The following TRDN variants were observed in gnomAD, a reference collection of about 807,000 sequenced individuals.
TRDN encodes the protein triadin in skeletal muscle.
A neutral mutation model predicts 149.7 loss-of-function variants in TRDN; 161 were observed. The ratio of observed to expected loss-of-function variants is 1.08; its 90% CI spans 0.95 to 1.23. The LOEUF is 1.23. Among genes scored for constraint, TRDN ranks in the 50% most tolerant of loss-of-function variants. The pLI is 0.00. For synonymous variants in TRDN, 294 were observed against 250.5 expected (o/e 1.17, Z -1.64); for missense variants, 896 against 823.5 (o/e 1.09, Z -1.08).
chr6:123,505,491 C>A (rs1778884082), intron 7 of TRDN, among the ~76,000 whole-genome samples: 1 of 152,018 alleles, frequency 6.6e-6, no homozygotes, highest in Non-Finnish European at 1.5e-5. Context: ...CAGATATTTA[C>A]AGGAAGATGT....
intron 4 of TRDN, among the ~76,000 whole-genome samples, chr6:123,531,475 C>T (rs576746837): frequency 3.4e-4 from 51 of 152,122 alleles, no homozygotes; most frequent in Admixed American, 7.2e-4. Flanking sequence ...TTAAGATCAA[C>T]CATGGCAACA....
chr6:123,597,356 A>G (rs528217909), intron 1 of TRDN, among the ~76,000 whole-genome samples: 86 of 152,244 alleles, frequency 5.6e-4, no homozygotes, highest in African/African-American at 1.9e-3. Flanking sequence ...ATGAGCAAAG[A>G]AAGTGATTTC....
At chr6:123,454,125 T>A (rs543812882) in intron 10 of TRDN, among the ~76,000 whole-genome samples, 44 of 151,282 alleles carry the variant, frequency 2.9e-4, no homozygotes, top group African/African-American at 9.5e-4. Context: ...TTTGCGGACT[T>A]GGGGGAAGAG....
At chr6:123,484,594 C>A (rs1302950129) in intron 9 of TRDN, among the ~76,000 whole-genome samples, 2 of 152,044 alleles carry the variant, frequency 1.3e-5, no homozygotes, top group Admixed American at 1.3e-4. Context: ...TTAGAACATG[C>A]TTTTAATAGT....
intron 12 of TRDN, among the ~76,000 whole-genome samples, chr6:123,432,094 T>C (rs1437395179): frequency 6.6e-6 from 1 of 152,136 alleles, no homozygotes; most frequent in African/African-American, 2.4e-5. Flanking sequence ...ACTAGACAAA[T>C]CTTACCTGAC....
At chr6:123,332,720 G>T (rs183212097) in intron 22 of TRDN, among the ~76,000 whole-genome samples, 70 of 152,152 alleles carry the variant, frequency 4.6e-4, no homozygotes, top group African/African-American at 1.3e-3. Flanking sequence ...ATAAGGGAAA[G>T]AAAGAGATCT....
chr6:123,394,883 A>G (rs1178890997), intron 12 of TRDN, among the ~76,000 whole-genome samples: 3 of 152,224 alleles, frequency 2.0e-5, no homozygotes, highest in Middle Eastern at 3.4e-3. Context: ...GGAAAACTGC[A>G]TGCATGCTAG....
intron 24 of TRDN, among the ~76,000 whole-genome samples, chr6:123,311,991 T>C (rs912187425): frequency 6.6e-6 from 1 of 151,918 alleles, no homozygotes; most frequent in Non-Finnish European, 1.5e-5. Flanking sequence ...TAGAAGATAA[T>C]TTAATGAAGA....
chr6:123,504,981 C>T (rs1478568386), intron 7 of TRDN, among the ~76,000 whole-genome samples: 1 of 152,088 alleles, frequency 6.6e-6, no homozygotes, highest in African/African-American at 2.4e-5. Flanking sequence ...CATGGCGGCT[C>T]ATGCCTGTAA....
In TRDN at chr6:123,218,690, C is replaced by T. The variant is rs1470747672; in HGVS notation, c.2101G>A (p.Gly701Arg). 1.2e-6 allele frequency: 2 copies of T among 1,601,400 alleles called. No individual in the cohort carries two copies. The highest frequency in any genetic ancestry group is 1.1e-5 in the South Asian group (1 of 89,610). Residue 701 changes from glycine to arginine, a missense_variant, in exon 41 of 41, where the codon GGA becomes AGA. By Grantham distance (125) the Gly-to-Arg change is moderately radical (BLOSUM62 -2). Transcript: ENST00000334268. ...GCAGGAGTGAAAGGAAACTGAAATC[C>T]ATAGCCATTGTACCCATCCAAGTAG... The part of the protein sequence containing the change: ...CVYLDGYNGY[G>R]FQFPFTPADR...
chr6:123,489,704 G>T (rs1292554367), intron 9 of TRDN: 1 of 151,598 alleles, frequency 6.6e-6, no homozygotes, highest in Non-Finnish European at 1.5e-5. Flanking sequence ...CTCATCAATC[G>T]TTCCTAACAA....
chr6:123,216,626 T>C lies in TRDN; in HGVS notation c.*1975A>G, dbSNP rs753394140. On this transcript the variant is annotated 3_prime_UTR_variant, in exon 41 of 41. Transcript: ENST00000334268. ...ACTTCAGAAATTTACTTTAATATCA[T>C]ATTTATATTAAAATATTTTATTTGT... 2 of 151,910 alleles carry C rather than the reference T, an allele frequency of 1.3e-5. No homozygotes were observed. Among genetic ancestry groups the C allele is most frequent in the African/African-American group, 4.8e-5 (2 of 41,420 alleles). 9.4% of individuals were successfully genotyped at this position (151,910 alleles called of 1,614,324 possible).
intron 24 of TRDN, among the ~76,000 whole-genome samples, chr6:123,298,376 C>A (rs1218234344): frequency 2.6e-5 from 4 of 151,848 alleles, no homozygotes; most frequent in Admixed American, 2.6e-4. Context: ...TTCAACATAC[C>A]ATGCCCATTT....
intron 18 of TRDN, among the ~76,000 whole-genome samples, chr6:123,376,279 A>T (rs1179833088): frequency 6.6e-6 from 1 of 152,170 alleles, no homozygotes; most frequent in African/African-American, 2.4e-5. Flanking sequence ...GCTTGAGGAA[A>T]TGCAACTCTG....
intron 12 of TRDN, among the ~76,000 whole-genome samples, chr6:123,416,856 C>A (rs1474861643): frequency 3.9e-5 from 6 of 152,118 alleles, no homozygotes; most frequent in Admixed American, 2.0e-4. Context: ...CATCTGCCAC[C>A]AAGCCTAGCT....
chr6:123,346,814 T>C (rs1316578978), intron 21 of TRDN, among the ~76,000 whole-genome samples: 2 of 151,918 alleles, frequency 1.3e-5, no homozygotes, highest in East Asian at 1.9e-4. Context: ...TGCAACCACA[T>C]AGACAGATTA....
At chr6:123,446,905 C>T (rs1775412121) in intron 10 of TRDN, among the ~76,000 whole-genome samples, 1 of 142,040 alleles carries the variant, frequency 7.0e-6, no homozygotes, top group African/African-American at 2.8e-5. Flanking sequence ...AACAAATATT[C>T]TTCTTCTATT....
At chr6:123,261,853 A>G (rs1053430408) in intron 33 of TRDN, among the ~76,000 whole-genome samples, 4 of 151,966 alleles carry the variant, frequency 2.6e-5, no homozygotes, top group African/African-American at 9.7e-5. Context: ...TACAAACTAT[A>G]CTAGAGAATA....
At chr6:123,282,711 G>T (rs1241611239) in intron 24 of TRDN, among the ~76,000 whole-genome samples, 1 of 147,730 alleles carries the variant, frequency 6.8e-6, no homozygotes, top group Non-Finnish European at 1.5e-5. Flanking sequence ...GCTTAATTAT[G>T]TCACAGAAAC....
Sources: allele counts gnomAD v4.1 joint callset (sites outside exome capture counted in the v4.1 genomes callset), GRCh38; gene constraint gnomAD v4.1.1; transcripts MANE v1.5; gene names NCBI Gene and HGNC (gene_info 2026-07-23, HGNC 2026-07-21).